The following AGAP1 variants were observed in gnomAD, a reference collection of about 807,000 sequenced individuals.
AGAP1 encodes the protein arf-GAP with GTPase, ANK repeat and PH domain-containing protein 1.
A neutral mutation model predicts 105.3 loss-of-function variants in AGAP1; 29 were observed. That is an observed-to-expected ratio of 0.28 (90% CI 0.21 to 0.38). The LOEUF (loss-of-function observed/expected upper bound fraction) is 0.38. Among genes scored for constraint, AGAP1 ranks in the 10% least tolerant of loss-of-function variants. The pLI is 1.00. For synonymous variants in AGAP1, 509 were observed against 485.9 expected, an observed-to-expected ratio of 1.05 and a Z score of -0.63; for missense variants, 998 against 1,165.1, an observed-to-expected ratio of 0.86 and a Z score of 2.09.
chr2:235,743,253 A>G (rs1201118989), intron 4 of AGAP1, among the ~76,000 whole-genome samples: 1 of 152,204 alleles, frequency 6.6e-6, no homozygotes, highest in Non-Finnish European at 1.5e-5. Context: ...CCCCCACACA[A>G]GTTGCTGGGG....
chr2:236,073,055 G>A lies in AGAP1; in HGVS notation c.2114+23774G>A, dbSNP rs978104110. Among the ~76,000 whole-genome samples, 1 of 151,726 alleles carries A rather than the reference G, an allele frequency of 6.6e-6. No individual in the cohort carries two copies. The highest frequency in any genetic ancestry group is 2.4e-5 in the African/African-American group (1 of 41,282). On this transcript the variant is annotated intron_variant, in intron 16 of 17. Transcript: ENST00000304032. This position sits in a 1 kb window ranked among gnomAD's most constrained non-coding sequence, Gnocchi z 5.4. ...TGTGTCTCCAGGCTGGAGTGCAGTG[G>A]TGCAATCTCAGCTCACTGCAACTTC...
chr2:235,768,869 C>G (rs1016182559), intron 6 of AGAP1, among the ~76,000 whole-genome samples: 1 of 152,210 alleles, frequency 6.6e-6, no homozygotes, highest in Non-Finnish European at 1.5e-5. Flanking sequence ...CTTCCTCTCT[C>G]TGATTCATCG....
chr2:236,090,560 AG>A lies in AGAP1; in HGVS notation c.2115-29629del, dbSNP rs1373580550. ...CAAGCGAGTGAGAGGCGGGGGTCGGAGGGAGGCCTTCCTCCTGCAGCGTGTT... is the reference window on the plus strand; with the variant it reads ...CAAGCGAGTGAGAGGCGGGGGTCGGAGGAGGCCTTCCTCCTGCAGCGTGTT... On this transcript the variant is annotated intron_variant, in intron 16 of 17. Coordinates refer to ENST00000304032, the MANE Select transcript of AGAP1 (RefSeq NM_001037131.3). This position sits in a 1 kb window ranked among gnomAD's most constrained non-coding sequence, Gnocchi z 4.3. Among the ~76,000 whole-genome samples, 2 of 152,222 alleles carry A rather than the reference AG, an allele frequency of 1.3e-5. No individual in the cohort carries two copies. The highest frequency in any genetic ancestry group is 4.8e-5 in the African/African-American group (2 of 41,538).
At chr2:236,084,008 G>A (rs2058855852) in intron 16 of AGAP1, among the ~76,000 whole-genome samples, 1 of 152,190 alleles carries the variant, frequency 6.6e-6, no homozygotes, top group Non-Finnish European at 1.5e-5. Context: ...CTCATTGTGT[G>A]GCAGGTGGAA....
At chr2:235,860,057 G>C (rs1357759536) in intron 9 of AGAP1, among the ~76,000 whole-genome samples, 3 of 152,130 alleles carry the variant, frequency 2.0e-5, no homozygotes, top group Non-Finnish European at 4.4e-5. Context: ...AAGTTTAGGG[G>C]CTAAACCTTC....
intron 1 of AGAP1, among the ~76,000 whole-genome samples, chr2:235,589,194 G>GTTT (rs928149334): frequency 0.013 from 755 of 59,394 alleles, 31 homozygotes; most frequent in African/African-American, 0.015. Context: ...TTATTGTTTT[G>GTTT]TTTTTTTTTT....
Position 235,683,803 on chromosome 2 carries a change from C to G in AGAP1, c.164-25376C>G, listed in dbSNP as rs549378982. Among the ~76,000 whole-genome samples, 287 of 152,002 alleles carry G rather than the reference C, an allele frequency of 1.9e-3. 1 individual carries two copies. The highest frequency in any genetic ancestry group is 6.7e-3 in the African/African-American group (278 of 41,448). On this transcript the variant is annotated intron_variant, in intron 1 of 17. Coordinates refer to ENST00000304032, the MANE Select transcript of AGAP1 (RefSeq NM_001037131.3). ...CATGTTGGCTTGCTGCACCCATCAACTCGTCATTTACATTAGGTAATTCTC... is the reference window on the plus strand; with the variant it reads ...CATGTTGGCTTGCTGCACCCATCAAGTCGTCATTTACATTAGGTAATTCTC...
chr2:235,635,450 A>C lies in AGAP1; in HGVS notation c.164-73729A>C, dbSNP rs376255426. 1.3e-5 allele frequency among the ~76,000 whole-genome samples: 2 copies of C among 152,224 alleles called. No homozygotes were observed. The highest frequency in any genetic ancestry group is 1.9e-4 in the East Asian group (1 of 5,182). ...AAACAAATTACTCTGAAAATTTGTC[A>C]TTTTGGTGTGGTGAATTCGTTCTTT... On this transcript the variant is annotated intron_variant, in intron 1 of 17. Transcript: ENST00000304032. The surrounding 1 kb of genome is among the most constrained non-coding windows in gnomAD (Gnocchi z 5.3).
intron 6 of AGAP1, among the ~76,000 whole-genome samples, chr2:235,770,884 A>G (rs764714831): frequency 1.3e-5 from 2 of 152,208 alleles, no homozygotes; most frequent in African/African-American, 2.4e-5. Context: ...GACGAATATT[A>G]TATTTTGTGT....
At chr2:235,984,253 G>A (rs1475522586) in intron 13 of AGAP1, among the ~76,000 whole-genome samples, 1 of 152,164 alleles carries the variant, frequency 6.6e-6, no homozygotes, top group Non-Finnish European at 1.5e-5. Flanking sequence ...TTAAAGGATG[G>A]ATAATATTCC....
chr2:235,674,082 A>G (rs571275439), intron 1 of AGAP1, among the ~76,000 whole-genome samples: 1 of 152,202 alleles, frequency 6.6e-6, no homozygotes, highest in Non-Finnish European at 1.5e-5. Flanking sequence ...TGGAGCACCT[A>G]CCTTTTGTAG....
chr2:236,077,777 T>G (rs894812583), intron 16 of AGAP1, among the ~76,000 whole-genome samples: 2 of 152,232 alleles, frequency 1.3e-5, no homozygotes, highest in Non-Finnish European at 2.9e-5. Context: ...ATGGGGCTTA[T>G]GATTAATTCA....
intron 12 of AGAP1, among the ~76,000 whole-genome samples, chr2:235,938,057 G>A (rs919898015): frequency 6.6e-6 from 1 of 152,254 alleles, no homozygotes; most frequent in Non-Finnish European, 1.5e-5. Context: ...GATCCTCAGG[G>A]TGCTTTCCAC....
intron 9 of AGAP1, among the ~76,000 whole-genome samples, chr2:235,858,516 A>G (rs922512351): frequency 3.3e-5 from 5 of 152,202 alleles, no homozygotes; most frequent in African/African-American, 1.2e-4. Flanking sequence ...GCAGTAGGTT[A>G]GGGGGAAAAT....
intron 1 of AGAP1, among the ~76,000 whole-genome samples, chr2:235,541,574 A>G (rs1228789402): frequency 1.3e-5 from 2 of 151,196 alleles, no homozygotes; most frequent in Non-Finnish European, 2.9e-5. Flanking sequence ...TTATTTTAGT[A>G]GAGACAGGGT....
chr2:235,742,346 AAAG>A (rs1196931650), intron 4 of AGAP1, among the ~76,000 whole-genome samples: 1 of 152,194 alleles, frequency 6.6e-6, no homozygotes, highest in Non-Finnish European at 1.5e-5. Context: ...CCAGTATTCG[AAAG>A]AAGGATGCTG....
At chr2:235,949,616 C>T (rs1325006720) in intron 12 of AGAP1, among the ~76,000 whole-genome samples, 1 of 152,198 alleles carries the variant, frequency 6.6e-6, no homozygotes, top group African/African-American at 2.4e-5. Flanking sequence ...CATTTTTGTG[C>T]TCTTTTGTGC....
intron 9 of AGAP1, among the ~76,000 whole-genome samples, chr2:235,827,805 T>C (rs1330839604): frequency 6.6e-6 from 1 of 152,176 alleles, no homozygotes; most frequent in Non-Finnish European, 1.5e-5. Flanking sequence ...GCCTTGAAGA[T>C]AGAGGGGTGT....
intron 9 of AGAP1, among the ~76,000 whole-genome samples, chr2:235,860,982 C>A (rs1351373874): frequency 6.6e-6 from 1 of 152,184 alleles, no homozygotes; most frequent in East Asian, 1.9e-4. Flanking sequence ...CACCCCTCCT[C>A]TTACCACCAC....
Sources: gnomAD v4.1 joint callset for allele counts (sites outside exome capture counted in the v4.1 genomes callset) on GRCh38, gnomAD v4.1.1 for gene constraint, Gnocchi (gnomAD v3.1) non-coding constraint, MANE v1.5 for transcripts, NCBI Gene and HGNC (gene_info 2026-07-23, HGNC 2026-07-21) for gene names.